Variants in SPARCL1 observed in about 807,000 individuals in gnomAD.
The protein encoded by SPARCL1 is SPARC-like protein 1.
In SPARCL1, 52 loss-of-function variants were observed where a neutral mutation model predicts 67.1. That is an observed-to-expected ratio of 0.78 (90% CI 0.62 to 0.98). The LOEUF (loss-of-function observed/expected upper bound fraction) is 0.98, where lower values mean the gene tolerates loss of function less well. Ranked by LOEUF, SPARCL1 falls within the 50% of genes least tolerant of loss-of-function variation. The pLI is 0.00. For missense variants in SPARCL1, 717 were observed against 782.4 expected (o/e 0.92, Z 1.00); for synonymous variants, 226 against 267.8 (o/e 0.84, Z 1.52).
chr4:87,527,531 G>A (rs186205004), intron 1 of SPARCL1, among the ~76,000 whole-genome samples: 1 of 152,194 alleles, frequency 6.6e-6, no homozygotes, highest in African/African-American at 2.4e-5. Flanking sequence ...TTTTCAAGTT[G>A]TCCAGATGCA....
At chr4:87,519,987 C>T (rs890495416) in intron 1 of SPARCL1, among the ~76,000 whole-genome samples, 1 of 152,092 alleles carries the variant, frequency 6.6e-6, no homozygotes, top group Non-Finnish European at 1.5e-5. Context: ...CACCTGTAAT[C>T]CCAGCACTTT....
In SPARCL1 at chr4:87,498,022, G is replaced by C. The variant is rs375179945; in HGVS notation, c.54+1499C>G. Among the ~76,000 whole-genome samples the C allele has an allele frequency of 2.3e-3, 354 of 152,320 alleles. 2 individuals are homozygous for C. The highest frequency in any genetic ancestry group is 8.1e-3 in the African/African-American group (335 of 41,560). On this transcript the variant is annotated intron_variant, in intron 2 of 10. Coordinates refer to ENST00000282470, the MANE Select transcript of SPARCL1 (RefSeq NM_004684.6). ...GATCCTCTGGCCTTGACCTCCCAAA[G>C]TGCTGGGATTATAGGTAGGAGCCAC...
intron 1 of SPARCL1, among the ~76,000 whole-genome samples, chr4:87,502,424 C>T (rs1724889974): frequency 6.6e-6 from 1 of 152,184 alleles, no homozygotes; most frequent in African/African-American, 2.4e-5. Context: ...TTCCTTTCTT[C>T]TCCTCACCCT....
intron 10 of SPARCL1, among the ~76,000 whole-genome samples, chr4:87,474,607 C>T (rs1723488696): frequency 1.3e-5 from 2 of 152,118 alleles, no homozygotes; most frequent in South Asian, 4.1e-4. Flanking sequence ...TTACTTTCCT[C>T]TTTTTTTCTT....
In SPARCL1 at chr4:87,477,422, C is replaced by A. The variant is rs370966335; in HGVS notation, c.1966+2008G>T. Among the ~76,000 whole-genome samples the A allele has an allele frequency of 6.6e-5, 10 of 152,130 alleles. No homozygotes were observed. The East Asian group carries it at 1.2e-3, about 18-fold the overall frequency. On this transcript the variant is annotated intron_variant, in intron 10 of 10. Transcript: ENST00000282470. Reference sequence around the variant, plus strand: ...TAGAAAGACAATTGACATCCAACCCCCTGTGGTCTCCTTCTCCTCCTCCTG... The same window carrying A: ...TAGAAAGACAATTGACATCCAACCCACTGTGGTCTCCTTCTCCTCCTCCTG...
Position 87,487,057 on chromosome 4 carries a change from C to T in SPARCL1, c.1531+3216G>A, listed in dbSNP as rs139164602. On this transcript the variant is annotated intron_variant, in intron 7 of 10. Coordinates refer to ENST00000282470, the MANE Select transcript of SPARCL1 (RefSeq NM_004684.6). ...TTGACTTTTTATCCAATTTGCCAGT[C>T]TGTGTCTTTTAATTGGGGCATTTAG... 2.0e-4 allele frequency among the ~76,000 whole-genome samples: 31 copies of T among 151,658 alleles called. No individual in the cohort carries two copies. In the East Asian group the frequency reaches 5.6e-3, roughly 28 times the overall value.
At chr4:87,474,749 T>G (rs1161520204) in intron 10 of SPARCL1, among the ~76,000 whole-genome samples, 4 of 150,178 alleles carry the variant, frequency 2.7e-5, no homozygotes, top group Non-Finnish European at 4.4e-5. Flanking sequence ...CTCTCTTTTT[T>G]TTTTTTTTTT....
At chr4:87,477,408 T>C (rs926656360) in intron 10 of SPARCL1, among the ~76,000 whole-genome samples, 3 of 152,146 alleles carry the variant, frequency 2.0e-5, no homozygotes, top group Non-Finnish European at 4.4e-5. Context: ...AGAAAGACAA[T>C]TGACATCCAA....
chr4:87,486,916 T>TTTTTTTTTTTTTTTTTC (rs1724094363), intron 7 of SPARCL1, among the ~76,000 whole-genome samples: 3 of 76,986 alleles, frequency 3.9e-5, no homozygotes, highest in African/African-American at 1.5e-4. Context: ...TTTTTTTTTT[T>TTTTTTTTTTTTTTTTTC]TTTTTTTTTT....
chr4:87,480,352 GA>G lies in SPARCL1; in HGVS notation c.1817+19del. The G allele has an allele frequency of 6.5e-7, 1 of 1,527,066 alleles. No homozygotes were observed. The highest frequency in any genetic ancestry group is 1.8e-4 in the Middle Eastern group (1 of 5,708). The allele number at this position is 1,527,066 out of a possible 1,614,324, so 94.6% of individuals were successfully genotyped here. ...TATCAGAGAGATAAATCTAGAAATG[GA>G]AAGGTAAAGAGTTCTTACCTATCCA... On this transcript the variant is annotated intron_variant, in intron 9 of 10. Coordinates refer to ENST00000282470, the MANE Select transcript of SPARCL1 (RefSeq NM_004684.6).
intron 1 of SPARCL1, among the ~76,000 whole-genome samples, chr4:87,524,885 T>A (rs7438311): frequency 1.3e-5 from 2 of 151,914 alleles, no homozygotes; most frequent in Non-Finnish European, 2.9e-5. Flanking sequence ...ATGATCATCT[T>A]GGCATGGTGG....
At chr4:87,508,490 G>A (rs1277985225) in intron 1 of SPARCL1, among the ~76,000 whole-genome samples, 1 of 151,896 alleles carries the variant, frequency 6.6e-6, no homozygotes, top group African/African-American at 2.4e-5. Flanking sequence ...ATGGATCACT[G>A]TGCTGGGCCT....
intron 1 of SPARCL1, among the ~76,000 whole-genome samples, chr4:87,525,197 G>A (rs936444170): frequency 6.6e-6 from 1 of 151,938 alleles, no homozygotes. Flanking sequence ...TTATGAATTA[G>A]CTGTTATCCA....
intron 7 of SPARCL1, among the ~76,000 whole-genome samples, chr4:87,488,049 T>C (rs1560815546): frequency 6.6e-6 from 1 of 152,234 alleles, no homozygotes; most frequent in East Asian, 1.9e-4. Flanking sequence ...CATGTTCCTT[T>C]AACTCAGAAG....
rs11412640 is a variant in SPARCL1 at position 87,506,782 on chromosome 4, C to CATCTATCT, written c.-11-7205_-11-7198dup. Among the ~76,000 whole-genome samples, 739 of 93,802 alleles carry CATCTATCT rather than the reference C, an allele frequency of 7.9e-3. 1 individual carries two copies. Among genetic ancestry groups the CATCTATCT allele is most frequent in the Middle Eastern group, 0.012 (2 of 172 alleles). The allele number at this position is 93,802 out of a possible 152,430, so 61.5% of individuals were successfully genotyped here. On this transcript the variant is annotated intron_variant, in intron 1 of 10. Transcript: ENST00000282470. ...ATTATCTATATCTCTATCTATCTATCATCTATCTATCTATCTATCTATCTA... is the reference window on the plus strand; with the variant it reads ...ATTATCTATATCTCTATCTATCTATCATCTATCTATCTATCTATCTATCTATCTATCTA...
intron 1 of SPARCL1, among the ~76,000 whole-genome samples, chr4:87,501,428 T>C (rs892301088): frequency 6.6e-6 from 1 of 152,188 alleles, no homozygotes; most frequent in Admixed American, 6.5e-5. Context: ...TTTTAAGGTA[T>C]TGCATATTAG....
chr4:87,503,096 A>C (rs1247647416), intron 1 of SPARCL1, among the ~76,000 whole-genome samples: 1 of 152,178 alleles, frequency 6.6e-6, no homozygotes, highest in Non-Finnish European at 1.5e-5. Flanking sequence ...CATTGTGTTT[A>C]TTCTGAGTGC....
chr4:87,490,004 C>T (rs748277016), intron 7 of SPARCL1, among the ~76,000 whole-genome samples: 25 of 152,178 alleles, frequency 1.6e-4, no homozygotes, highest in Non-Finnish European at 3.1e-4. Context: ...CATAGTGGTT[C>T]TGAGCCCTGG....
rs376490915 is a variant in SPARCL1, at chr4:87,497,190, G to A, written c.55-2063C>T. Reference sequence around the variant, plus strand: ...AGCCACGGCTTCTGGCCAAAGTACAGGATTCATATTAGGTTTGGTTTGCTC... The same window carrying A: ...AGCCACGGCTTCTGGCCAAAGTACAAGATTCATATTAGGTTTGGTTTGCTC... On this transcript the variant is annotated intron_variant, in intron 2 of 10. Transcript: ENST00000282470. 49 of 985,036 alleles carry A rather than the reference G, an allele frequency of 5.0e-5. No homozygotes were observed. The South Asian group carries it at 1.9e-3, about 39-fold the overall frequency. The allele number at this position is 985,036 out of a possible 1,614,324, so 61.0% of individuals were successfully genotyped here.
Sources: allele counts gnomAD v4.1 joint callset (sites outside exome capture counted in the v4.1 genomes callset), GRCh38; gene constraint gnomAD v4.1.1; transcripts MANE v1.5; gene names NCBI Gene and HGNC (gene_info 2026-07-23, HGNC 2026-07-21).